The following ARMC3 variants were observed in gnomAD, a reference collection of about 807,000 sequenced individuals.
The protein encoded by ARMC3 is armadillo repeat containing 3, also known as armadillo repeat-containing protein 3.
In ARMC3, 74 loss-of-function variants were observed where a neutral mutation model predicts 90.3. That is an observed-to-expected ratio of 0.82 (90% CI 0.68 to 0.99). The LOEUF (loss-of-function observed/expected upper bound fraction) is 0.99, where lower values mean the gene tolerates loss of function less well. Ranked by LOEUF, ARMC3 falls within the 50% of genes least tolerant of loss-of-function variation. The pLI, the probability that ARMC3 is intolerant of heterozygous loss-of-function variation, is 0.00. For synonymous variants in ARMC3, 334 were observed against 361.8 expected (o/e 0.92, Z 0.87); for missense variants, 958 against 1,042.8 (o/e 0.92, Z 1.12).
At position 23,006,883 on chromosome 10, in the gene ARMC3, GA is replaced by G. The variant is rs1274046858; in HGVS notation, c.1732del (p.Ile578Ter). ...TTTTTGGTCCTTAAATTATCTCACA[GA>G]TAAATCCCGGCACCAAACTGTTGCC... is the stretch of plus-strand genomic sequence containing the variant. ...INDGFYDYGRINPGTKLLPLK... is the reference protein window; with the variant it reads ...INDGFYDYGRXNPGTKLLPLK... On this transcript the variant is annotated frameshift_variant and splice_region_variant, in exon 14 of 19. Coordinates refer to ENST00000298032, the MANE Select transcript of ARMC3 (RefSeq NM_173081.5). 1.2e-6 allele frequency: 2 copies of G among 1,613,920 alleles called. No homozygotes were observed. Among genetic ancestry groups the G allele is most frequent in the South Asian group, 2.2e-5 (2 of 91,076 alleles).
chr10:23,013,538 CTG>C (rs1230965312), intron 16 of ARMC3, among the ~76,000 whole-genome samples: 5 of 152,200 alleles, frequency 3.3e-5, no homozygotes, highest in Non-Finnish European at 7.3e-5. Context: ...TCTGTGTACA[CTG>C]TGAAATGTTT....
chr10:23,006,037 C>T (rs753960291), intron 13 of ARMC3, among the ~76,000 whole-genome samples: 4 of 152,162 alleles, frequency 2.6e-5, no homozygotes, highest in African/African-American at 7.2e-5. Context: ...CAAGCCAAAA[C>T]TTGCAGCAGG....
At chr10:22,954,308 T>C (rs1834842105) in intron 3 of ARMC3, among the ~76,000 whole-genome samples, 1 of 152,190 alleles carries the variant, frequency 6.6e-6, no homozygotes, top group Non-Finnish European at 1.5e-5. Flanking sequence ...TCACAATTTG[T>C]AGAATATCTT....
chr10:23,008,847 G>A lies in ARMC3; in HGVS notation c.1961G>A (p.Gly654Glu). Reference sequence around the variant, plus strand: ...AGTTATCATTTTAGTGCTGGATTTGGATCTCCCATAGAAGACAAATCAGAG... The same window carrying A: ...AGTTATCATTTTAGTGCTGGATTTGAATCTCCCATAGAAGACAAATCAGAG... The part of the protein sequence containing the change: ...KNSYHFSAGF[G>E]SPIEDKSEPA... The change falls in exon 16 of 19, where the codon GGA becomes GAA. Residue 654 changes from glycine (G) to glutamate (E), a missense_variant. Physicochemically the swap from Gly to Glu is moderately conservative, Grantham distance 98. Transcript: ENST00000298032. 1 of 1,613,326 alleles carries A rather than the reference G, an allele frequency of 6.2e-7. No homozygotes were observed. Among genetic ancestry groups the A allele is most frequent in the Non-Finnish European group, 8.5e-7 (1 of 1,179,622 alleles).
At chr10:22,975,855 G>A (rs548911847) in intron 8 of ARMC3, among the ~76,000 whole-genome samples, 8 of 152,184 alleles carry the variant, frequency 5.3e-5, no homozygotes, top group Non-Finnish European at 1.2e-4. Context: ...TTTTCCTCAT[G>A]AATACTTATT....
At chr10:23,018,514 ATTTTT>A (rs5783816) in intron 16 of ARMC3, among the ~76,000 whole-genome samples, 1 of 115,484 alleles carries the variant, frequency 8.7e-6, no homozygotes, top group Non-Finnish European at 1.7e-5. Flanking sequence ...CACCTTAGTA[ATTTTT>A]TTTTTTTTTT....
intron 8 of ARMC3, among the ~76,000 whole-genome samples, chr10:22,974,053 C>G (rs994191473): frequency 6.6e-6 from 1 of 151,994 alleles, no homozygotes; most frequent in Non-Finnish European, 1.5e-5. Context: ...CCACCGCGGT[C>G]GGCCTTTCTC....
chr10:22,935,968 T>C (rs564832105), intron 2 of ARMC3, among the ~76,000 whole-genome samples: 3 of 152,328 alleles, frequency 2.0e-5, no homozygotes, highest in East Asian at 1.9e-4. Flanking sequence ...ACCACTGATG[T>C]AGTAAACATA....
At chr10:23,009,015 ACATC>A in intron 16 of ARMC3, 84 bp downstream of exon 16, 1 of 1,097,498 alleles carries the variant, frequency 9.1e-7, no homozygotes. Flanking sequence ...CTTTCTTCTG[ACATC>A]AGGGTGTTGA....
At chr10:22,942,245 C>G (rs1235265630) in intron 2 of ARMC3, among the ~76,000 whole-genome samples, 2 of 152,188 alleles carry the variant, frequency 1.3e-5, no homozygotes, top group African/African-American at 2.4e-5. Flanking sequence ...CAAGTTGTAT[C>G]TTTCACCACT....
At position 22,959,085 on chromosome 10, in the gene ARMC3, T is replaced by C. The variant is rs776838203; in HGVS notation, c.308T>C (p.Leu103Ser). The change falls in exon 5 of 19, where the codon TTG becomes TCG. Residue 103 changes from leucine to serine, a missense_variant. By Grantham distance (145) the Leu-to-Ser change is moderately radical. Coordinates refer to ENST00000298032, the MANE Select transcript of ARMC3 (RefSeq NM_173081.5). ...TCCTTTGTAGATGATGTTAAAAAAT[T>C]GTTAAGGGAGTTAGATGTCATGAAT... ...ILASNNDVKK[L>S]LRELDVMNSV... 16 of 1,611,020 alleles carry C rather than the reference T, an allele frequency of 9.9e-6. No homozygotes were observed. The South Asian group carries it at 1.5e-4, about 15-fold the overall frequency.
At chr10:23,030,066 A>C (rs561951227) in intron 16 of ARMC3, among the ~76,000 whole-genome samples, 1 of 152,328 alleles carries the variant, frequency 6.6e-6, no homozygotes, top group East Asian at 1.9e-4. Flanking sequence ...GCAATTGTGC[A>C]GAAGACCAAT....
At chr10:22,944,335 C>A (rs766406610) in intron 2 of ARMC3, among the ~76,000 whole-genome samples, 2 of 152,096 alleles carry the variant, frequency 1.3e-5, no homozygotes, top group Non-Finnish European at 2.9e-5. Flanking sequence ...AATATTTTAT[C>A]CACCATAAAC....
chr10:23,012,319 G>T (rs1838052432), intron 16 of ARMC3, among the ~76,000 whole-genome samples: 1 of 152,102 alleles, frequency 6.6e-6, no homozygotes, highest in African/African-American at 2.4e-5. Flanking sequence ...TTGTTCTATA[G>T]ATAAATCCCT....
chr10:23,015,974 G>A (rs1838249860), intron 16 of ARMC3, among the ~76,000 whole-genome samples: 1 of 152,040 alleles, frequency 6.6e-6, no homozygotes, highest in Non-Finnish European at 1.5e-5. Context: ...ATCCTAGTGA[G>A]AAGACAGACA....
chr10:22,992,462 C>T (rs1836753338), intron 10 of ARMC3, among the ~76,000 whole-genome samples: 1 of 152,098 alleles, frequency 6.6e-6, no homozygotes, highest in Non-Finnish European at 1.5e-5. Context: ...GATGCAAACA[C>T]ATTTTTTTCC....
Position 22,981,621 on chromosome 10 carries a change from A to G in ARMC3, c.1096A>G (p.Lys366Glu). Reference sequence around the variant, plus strand: ...GATTCCACAGTTAATTCAGTTGCTAAAAAGTGACAATGAAGAGGTACGGGA... The same window carrying G: ...GATTCCACAGTTAATTCAGTTGCTAGAAAGTGACAATGAAGAGGTACGGGA... ...QGIPQLIQLL[K>E]SDNEEVREAA... The change falls in exon 10 of 19, where the codon AAA (lysine) becomes GAA (glutamate). Residue 366 changes from lysine (K) to glutamate (E), a missense_variant. Coordinates refer to ENST00000298032, the MANE Select transcript of ARMC3 (RefSeq NM_173081.5). The G allele has an allele frequency of 6.2e-7, 1 of 1,614,158 alleles. No homozygotes were observed. Among genetic ancestry groups the G allele is most frequent in the Non-Finnish European group, 8.5e-7 (1 of 1,180,020 alleles).
chr10:22,951,006 C>T (rs375121047), intron 3 of ARMC3, among the ~76,000 whole-genome samples: 13 of 150,446 alleles, frequency 8.6e-5, no homozygotes, highest in Admixed American at 1.3e-4. Flanking sequence ...GGCGCAATCT[C>T]GGCTCACTGC....
At position 23,037,422 on chromosome 10, in the gene ARMC3, T is replaced by C; in HGVS notation, c.2562T>C (p.His854=). The C allele has an allele frequency of 1.2e-6, 2 of 1,614,104 alleles. No individual in the cohort carries two copies. The highest frequency in any genetic ancestry group is 1.7e-6 in the Non-Finnish European group (2 of 1,179,948). ...TGTACGTGATTGACCTCATGTTCCA[T>C]CCAGGTGGACTGATGAAGTTGAGAA... ...PEMYVIDLMF[H]PGGLMKLRSR... The change falls in exon 19 of 19, where the codon CAT becomes CAC. Residue 854 remains histidine (H), a synonymous_variant. Transcript: ENST00000298032.
Sources: allele counts gnomAD v4.1 joint callset (sites outside exome capture counted in the v4.1 genomes callset), GRCh38; gene constraint gnomAD v4.1.1; transcripts MANE v1.5; gene names NCBI Gene and HGNC (gene_info 2026-07-23, HGNC 2026-07-21).